The following EEPD1 variants were observed in gnomAD, a reference collection of about 807,000 sequenced individuals.
EEPD1 encodes the protein endonuclease/exonuclease/phosphatase family domain containing 1, also known as endonuclease/exonuclease/phosphatase family domain-containing protein 1.
A neutral mutation model predicts 46.3 loss-of-function variants in EEPD1; 17 were observed. The observed-to-expected ratio is 0.37, with a 90% confidence interval of 0.25 to 0.55. The LOEUF is 0.55. Ranked by LOEUF, EEPD1 falls within the 20% of genes least tolerant of loss-of-function variation. The pLI is 0.83. For missense variants in EEPD1, 673 were observed against 745.6 expected, an observed-to-expected ratio of 0.90 and a Z score of 1.13; for synonymous variants, 313 against 315.6, an observed-to-expected ratio of 0.99 and a Z score of 0.09.
At chr7:36,244,637 G>A (rs1786606974) in intron 3 of EEPD1, among the ~76,000 whole-genome samples, 1 of 152,142 alleles carries the variant, frequency 6.6e-6, no homozygotes, top group Admixed American at 6.5e-5. Flanking sequence ...CTCCCGGTGT[G>A]GCCTCTGCTG....
chr7:36,230,631 T>C (rs1461280340), intron 2 of EEPD1: 1 of 152,194 alleles, frequency 6.6e-6, no homozygotes, highest in Non-Finnish European at 1.5e-5. Flanking sequence ...GATGGGCTAC[T>C]CCTCAGGAAG....
At chr7:36,244,439 C>G (rs1408410710) in intron 3 of EEPD1, among the ~76,000 whole-genome samples, 2 of 152,166 alleles carry the variant, frequency 1.3e-5, no homozygotes, top group Non-Finnish European at 2.9e-5. Context: ...AGTGCTTTTT[C>G]TTGCTAATAT....
chr7:36,215,505 G>T (rs190644359), intron 2 of EEPD1, among the ~76,000 whole-genome samples: 50 of 152,386 alleles, frequency 3.3e-4, no homozygotes, highest in African/African-American at 1.1e-3. Flanking sequence ...CACACATCCG[G>T]AAGCTGATTC....
chr7:36,274,276 C>T (rs1365733816), intron 3 of EEPD1, among the ~76,000 whole-genome samples: 1 of 152,188 alleles, frequency 6.6e-6, no homozygotes, highest in East Asian at 1.9e-4. Context: ...GTGTGAGCTC[C>T]TGCCTCAGCC....
chr7:36,215,653 A>C (rs1295769049), intron 2 of EEPD1, among the ~76,000 whole-genome samples: 1 of 152,094 alleles, frequency 6.6e-6, no homozygotes, highest in Non-Finnish European at 1.5e-5. Flanking sequence ...GCTGCCTGGG[A>C]TTTTTGTGCC....
At chr7:36,158,609 A>C (rs1784859820) in intron 2 of EEPD1, among the ~76,000 whole-genome samples, 1 of 152,206 alleles carries the variant, frequency 6.6e-6, no homozygotes, top group Non-Finnish European at 1.5e-5. Flanking sequence ...AGGAGCCTTC[A>C]GGGATGCCAT....
chr7:36,178,310 C>G (rs1415483317), intron 2 of EEPD1, among the ~76,000 whole-genome samples: 1 of 152,212 alleles, frequency 6.6e-6, no homozygotes, highest in Non-Finnish European at 1.5e-5. Flanking sequence ...CCCAGCCTCT[C>G]CTAGCCACAC....
chr7:36,245,733 T>C (rs1246120266), intron 3 of EEPD1, among the ~76,000 whole-genome samples: 1 of 152,252 alleles, frequency 6.6e-6, no homozygotes. Flanking sequence ...TGATCTAAGA[T>C]GTGTGAGTGT....
At chr7:36,275,202 C>T (rs6462666) in intron 3 of EEPD1, among the ~76,000 whole-genome samples, 82,940 of 151,992 alleles carry the variant, frequency 0.55, 22,922 homozygotes, top group South Asian at 0.6. Context: ...GCCCTCCCCA[C>T]CCATCCAGGA....
At chr7:36,277,206 G>A (rs936402131) in intron 3 of EEPD1, among the ~76,000 whole-genome samples, 1 of 152,242 alleles carries the variant, frequency 6.6e-6, no homozygotes, top group African/African-American at 2.4e-5. Flanking sequence ...CACCTGTCGA[G>A]GCCAGGAAGT....
intron 3 of EEPD1, among the ~76,000 whole-genome samples, chr7:36,249,034 C>CACACACACACACACACAT (rs3221650): frequency 6.6e-6 from 1 of 151,546 alleles, no homozygotes. Context: ...CACACACACA[C>CACACACACACACACACAT]ATTTTCTCCT....
intron 2 of EEPD1, among the ~76,000 whole-genome samples, chr7:36,230,176 T>A (rs1268478414): frequency 6.6e-6 from 1 of 152,082 alleles, no homozygotes; most frequent in Non-Finnish European, 1.5e-5. Context: ...CTGTGTAGAA[T>A]TAGCCCAGTG....
intron 3 of EEPD1, among the ~76,000 whole-genome samples, chr7:36,273,829 T>C (rs761907070): frequency 9.9e-5 from 15 of 152,188 alleles, no homozygotes; most frequent in Admixed American, 2.6e-4. Flanking sequence ...CACCCATAAA[T>C]GTGGCCCTCT....
intron 2 of EEPD1, among the ~76,000 whole-genome samples, chr7:36,190,246 C>T (rs1471204303): frequency 1.3e-5 from 2 of 152,170 alleles, no homozygotes; most frequent in Non-Finnish European, 1.5e-5. Flanking sequence ...GTGGTTCATG[C>T]CTGTATTCCC....
intron 3 of EEPD1, among the ~76,000 whole-genome samples, chr7:36,280,559 A>G (rs886461976): frequency 6.6e-6 from 1 of 152,208 alleles, no homozygotes; most frequent in Non-Finnish European, 1.5e-5. Context: ...TTGGTGCAAC[A>G]TGCATTAGCA....
intron 2 of EEPD1, among the ~76,000 whole-genome samples, chr7:36,205,601 A>G (rs1430304540): frequency 6.6e-6 from 1 of 152,222 alleles, no homozygotes; most frequent in Non-Finnish European, 1.5e-5. Context: ...TGGAGGGGTA[A>G]AAGCGTGGTG....
intron 2 of EEPD1, among the ~76,000 whole-genome samples, chr7:36,196,497 G>A (rs1163403882): frequency 6.6e-6 from 1 of 152,012 alleles, no homozygotes; most frequent in African/African-American, 2.4e-5. Context: ...ATCTTGGCTC[G>A]CTGCAGCCTC....
chr7:36,179,305 T>G (rs569388250), intron 2 of EEPD1, among the ~76,000 whole-genome samples: 15 of 152,334 alleles, frequency 9.8e-5, no homozygotes, highest in African/African-American at 3.6e-4. Flanking sequence ...TTTAGCTGCA[T>G]TTTATAAGGT....
chr7:36,263,404 C>T (rs1355425123), intron 3 of EEPD1, among the ~76,000 whole-genome samples: 1 of 152,168 alleles, frequency 6.6e-6, no homozygotes, highest in Non-Finnish European at 1.5e-5. Context: ...CAGCACCTCA[C>T]ACAGGAATGA....
Sources: gnomAD v4.1 joint callset for allele counts (sites outside exome capture counted in the v4.1 genomes callset) on GRCh38, gnomAD v4.1.1 for gene constraint, MANE v1.5 for transcripts, NCBI Gene and HGNC (gene_info 2026-07-23, HGNC 2026-07-21) for gene names.